The following ZSCAN25 variants were observed in gnomAD, a reference collection of about 807,000 sequenced individuals.
The protein encoded by ZSCAN25 is zinc finger and SCAN domain-containing protein 25.
Under a neutral mutation model 38.7 loss-of-function variants are expected in ZSCAN25, and 27 were observed. The observed-to-expected ratio is 0.70, with a 90% confidence interval of 0.51 to 0.96. The LOEUF is 0.96. ZSCAN25 is among the 40% of genes least tolerant of loss of function. ZSCAN25 has a pLI of 0.00. For missense variants in ZSCAN25, 637 were observed against 705.9 expected (o/e 0.90, Z 1.11); for synonymous variants, 273 against 277.7 (o/e 0.98, Z 0.17).
At chr7:99,682,260 G>A in the ZSCAN25 span, among the ~76,000 whole-genome samples, 2 of 152,312 alleles carry the variant, frequency 1.3e-5, no homozygotes, top group South Asian at 4.1e-4. Context: ...ATGAGCCACG[G>A]CACTCAGCCA....
chr7:99,667,996 GT>G, the ZSCAN25 span, among the ~76,000 whole-genome samples: 54 of 152,236 alleles, frequency 3.5e-4, no homozygotes, highest in Non-Finnish European at 6.3e-4. Flanking sequence ...TAATAGAATT[GT>G]CTCTATTTTC....
At chr7:99,730,977 T>C in the ZSCAN25 span, 143 of 1,553,676 alleles carry the variant, frequency 9.2e-5, no homozygotes, top group Non-Finnish European at 9.8e-5. Context: ...ACCTTCCTCT[T>C]GAGGAGAAGC....
the ZSCAN25 span, chr7:99,685,011 G>A: frequency 1.5e-6 from 1 of 663,508 alleles, no homozygotes; most frequent in African/African-American, 1.8e-5. Flanking sequence ...CAGAATCCCT[G>A]GTTATTTATG....
chr7:99,630,847 A>G lies in ZSCAN25; in HGVS notation c.*827A>G, dbSNP rs1807942915. ...TTGATCACTGAATAAACATCAGAGT[A>G]TTTTAAAAAACAGTTCTCTAGAAAG... On this transcript the variant is annotated 3_prime_UTR_variant, in exon 8 of 8. Coordinates refer to ENST00000394152, the MANE Select transcript of ZSCAN25 (RefSeq NM_145115.3). The G allele has an allele frequency of 1.0e-6, 1 of 985,214 alleles. No individual in the cohort carries two copies. The highest frequency in any genetic ancestry group is 1.7e-5 in the African/African-American group (1 of 57,376). The allele number at this position is 985,214 out of a possible 1,614,324, so 61.0% of individuals were successfully genotyped here.
At chr7:99,728,636 A>G in the ZSCAN25 span, among the ~76,000 whole-genome samples, 2 of 152,182 alleles carry the variant, frequency 1.3e-5, no homozygotes, top group African/African-American at 4.8e-5. Flanking sequence ...GTACATGTAC[A>G]CTAGTATTTC....
At chr7:99,653,619 C>T in the ZSCAN25 span, among the ~76,000 whole-genome samples, 11 of 152,188 alleles carry the variant, frequency 7.2e-5, no homozygotes, top group African/African-American at 2.4e-4. This position sits in a 1 kb window ranked among gnomAD's most constrained non-coding sequence, Gnocchi z 4.2. Flanking sequence ...GCCCCATCCC[C>T]TCCTTTTGGA....
the ZSCAN25 span, among the ~76,000 whole-genome samples, chr7:99,721,361 A>AC: frequency 6.6e-6 from 1 of 152,190 alleles, no homozygotes; most frequent in Non-Finnish European, 1.5e-5. Context: ...ATATTTCTCA[A>AC]CCCTTCTTTC....
At chr7:99,655,621 C>T in the ZSCAN25 span, among the ~76,000 whole-genome samples, 1 of 152,206 alleles carries the variant, frequency 6.6e-6, no homozygotes, top group Non-Finnish European at 1.5e-5. Context: ...TGAAGAAAGT[C>T]ATTGGTAGCT....
chr7:99,698,656 A>G, the ZSCAN25 span, among the ~76,000 whole-genome samples: 2 of 152,210 alleles, frequency 1.3e-5, no homozygotes, highest in Non-Finnish European at 2.9e-5. Context: ...TTAGCGATAT[A>G]CATTCATGCT....
chr7:99,715,541 T>A, the ZSCAN25 span: 11 of 757,030 alleles, frequency 1.5e-5, no homozygotes, highest in East Asian at 3.4e-4. Flanking sequence ...GACAACAGGA[T>A]TTCTGGCAGG....
chr7:99,720,846 T>C, the ZSCAN25 span: 1 of 184,296 alleles, frequency 5.4e-6, no homozygotes, highest in African/African-American at 2.4e-5. Context: ...AAGGACTAAA[T>C]GTTTCAAGGG....
the ZSCAN25 span, chr7:99,660,730 A>C: frequency 4.5e-6 from 7 of 1,555,370 alleles, no homozygotes; most frequent in Non-Finnish European, 6.1e-6. Flanking sequence ...ATGAAATCTA[A>C]GTGAAGCTCT....
chr7:99,679,798 A>G, the ZSCAN25 span: 1 of 1,612,398 alleles, frequency 6.2e-7, no homozygotes, highest in Non-Finnish European at 8.5e-7. Flanking sequence ...CCAAGGAAAC[A>G]AAGAGAGGAG....
downstream of ZSCAN25, among the ~76,000 whole-genome samples, chr7:99,634,138 G>A (rs574500772): frequency 4.6e-5 from 7 of 152,264 alleles, no homozygotes; most frequent in East Asian, 1.2e-3. Flanking sequence ...AATGAGGGAG[G>A]CTGTTGTCCT....
the ZSCAN25 span, among the ~76,000 whole-genome samples, chr7:99,679,094 G>A: frequency 3.3e-5 from 5 of 152,170 alleles, no homozygotes; most frequent in South Asian, 8.3e-4. Context: ...TCCCAGAGAC[G>A]GGAGGAAAAA....
the ZSCAN25 span, chr7:99,638,421 A>G: frequency 8.2e-5 from 130 of 1,579,346 alleles, no homozygotes; most frequent in Non-Finnish European, 9.3e-5. Flanking sequence ...GATGAGGATT[A>G]TGGCATCCCT....
chr7:99,662,026 T>A, the ZSCAN25 span, among the ~76,000 whole-genome samples: 1 of 152,336 alleles, frequency 6.6e-6, no homozygotes, highest in East Asian at 1.9e-4. The surrounding 1 kb of genome is among the most constrained non-coding windows in gnomAD (Gnocchi z 4.3). Flanking sequence ...TCACAGCAAG[T>A]TTTGTTGAGA....
At chr7:99,688,801 A>C in the ZSCAN25 span, among the ~76,000 whole-genome samples, 2,255 of 152,298 alleles carry the variant, frequency 0.015, 49 homozygotes, top group African/African-American at 0.05. Flanking sequence ...AAAGAACAGA[A>C]ATTATAACAA....
At chr7:99,632,808 A>G (rs1808094978), downstream of ZSCAN25, among the ~76,000 whole-genome samples, 1 of 152,160 alleles carries the variant, frequency 6.6e-6, no homozygotes, top group Admixed American at 6.5e-5. Flanking sequence ...ACAGTTCCTT[A>G]ATGTCAAAAT....
Sources: gnomAD v4.1 joint callset for allele counts (sites outside exome capture counted in the v4.1 genomes callset) on GRCh38, gnomAD v4.1.1 for gene constraint, Gnocchi (gnomAD v3.1) non-coding constraint, MANE v1.5 for transcripts, NCBI Gene and HGNC (gene_info 2026-07-23, HGNC 2026-07-21) for gene names.